NOL4: variants seen among roughly 807,000 people sequenced by gnomAD.
The protein encoded by NOL4 is nucleolar protein 4.
A neutral mutation model predicts 75.9 loss-of-function variants in NOL4; 17 were observed. The observed-to-expected ratio is 0.22, with a 90% CI of 0.15 to 0.34. The LOEUF is 0.34. Ranked by LOEUF, NOL4 falls within the 10% of genes least tolerant of loss-of-function variation. The pLI, the probability that NOL4 is intolerant of heterozygous loss-of-function variation, is 1.00. For synonymous variants in NOL4, 292 were observed against 289.9 expected (o/e 1.01, Z -0.07); for missense variants, 614 against 793.5 (o/e 0.77, Z 2.72).
At chr18:33,979,673 T>C (rs768026081) in intron 6 of NOL4, among the ~76,000 whole-genome samples, 2 of 151,966 alleles carry the variant, frequency 1.3e-5, no homozygotes, top group Non-Finnish European at 2.9e-5. Flanking sequence ...AAGCATCCTA[T>C]AAAATATATT....
chr18:34,035,058 C>A (rs1192886691), intron 5 of NOL4, among the ~76,000 whole-genome samples: 1 of 152,094 alleles, frequency 6.6e-6, no homozygotes, highest in Non-Finnish European at 1.5e-5. Flanking sequence ...CACCGATCAT[C>A]TAGACAGAAG....
chr18:34,014,806 G>A (rs1027229790), intron 6 of NOL4, among the ~76,000 whole-genome samples: 2 of 152,008 alleles, frequency 1.3e-5, no homozygotes, highest in African/African-American at 4.8e-5. Flanking sequence ...TGCTAGTCTA[G>A]TGAGTTAATT....
At chr18:33,967,795 A>G (rs993099249) in intron 6 of NOL4, among the ~76,000 whole-genome samples, 1 of 152,236 alleles carries the variant, frequency 6.6e-6, no homozygotes, top group African/African-American at 2.4e-5. Flanking sequence ...ATTATTAAAA[A>G]GTCAAAAAAT....
intron 6 of NOL4, among the ~76,000 whole-genome samples, chr18:34,018,582 G>A (rs1236851225): frequency 2.0e-5 from 3 of 152,072 alleles, no homozygotes; most frequent in Non-Finnish European, 4.4e-5. Context: ...ACCCTCATAT[G>A]TTCCAAAGTA....
At chr18:33,932,677 A>G (rs1022031904) in intron 9 of NOL4, among the ~76,000 whole-genome samples, 14 of 152,236 alleles carry the variant, frequency 9.2e-5, no homozygotes, top group African/African-American at 3.4e-4. Flanking sequence ...AAAAAATCCT[A>G]TGTGATTGAG....
chr18:33,983,019 G>A (rs2072103715), intron 6 of NOL4, among the ~76,000 whole-genome samples: 1 of 151,778 alleles, frequency 6.6e-6, no homozygotes. Context: ...CAAAGTGCTG[G>A]GATTATAGGT....
chr18:34,056,732 A>C (rs2076849135), intron 5 of NOL4, among the ~76,000 whole-genome samples: 1 of 152,150 alleles, frequency 6.6e-6, no homozygotes, highest in South Asian at 2.1e-4. Context: ...AATTCTCTGA[A>C]CTTTACTAGG....
At chr18:33,865,230 G>A (rs564090855) in intron 10 of NOL4, among the ~76,000 whole-genome samples, 50 of 152,054 alleles carry the variant, frequency 3.3e-4, no homozygotes, top group African/African-American at 1.1e-3. Context: ...CCAAAATCCA[G>A]GATACTCAAG....
chr18:33,951,664 TG>T (rs2069234242), intron 8 of NOL4, among the ~76,000 whole-genome samples: 1 of 152,170 alleles, frequency 6.6e-6, no homozygotes, highest in Admixed American at 6.6e-5. Context: ...TTTCTTCCTG[TG>T]GGTAACTTAC....
chr18:34,091,106 T>G (rs2078496112), intron 5 of NOL4, among the ~76,000 whole-genome samples: 1 of 151,472 alleles, frequency 6.6e-6, no homozygotes, highest in Non-Finnish European at 1.5e-5. Context: ...TCCCAGCACT[T>G]TGGGAGGCTG....
intron 5 of NOL4, chr18:34,048,735 C>T (rs377675562): frequency 2.9e-6 from 1 of 339,368 alleles, no homozygotes; most frequent in Non-Finnish European, 4.2e-6. Context: ...GGGCTCCTTC[C>T]TTGAGGATTT....
Position 33,927,551 on chromosome 18 carries a change from T to G in NOL4, c.1542+15514A>C, listed in dbSNP as rs183758841. On this transcript the variant is annotated intron_variant, in intron 9 of 10. Transcript: ENST00000261592. The stretch of plus-strand genomic sequence containing the variant: ...CACTCTCCCAGGTTTAAAAATACAT[T>G]ATTGACAAAGGAAGACGACACTGAT... Among the ~76,000 whole-genome samples the G allele has an allele frequency of 3.5e-3, 537 of 152,228 alleles. 3 individuals carry two copies. The highest frequency in any genetic ancestry group is 0.012 in the African/African-American group (519 of 41,522).
intron 6 of NOL4, among the ~76,000 whole-genome samples, chr18:34,017,158 C>A (rs2074743886): frequency 6.6e-6 from 1 of 152,108 alleles, no homozygotes; most frequent in African/African-American, 2.4e-5. Context: ...TTGACTCTTA[C>A]TTCAAATAGC....
intron 5 of NOL4, among the ~76,000 whole-genome samples, chr18:34,033,990 T>G (rs758524411): frequency 2.6e-5 from 4 of 151,928 alleles, no homozygotes; most frequent in Non-Finnish European, 5.9e-5. Flanking sequence ...CCCAGACAAT[T>G]GAAAGCAAAG....
intron 9 of NOL4, among the ~76,000 whole-genome samples, chr18:33,896,402 A>T (rs2144905367): frequency 6.6e-6 from 1 of 152,316 alleles, no homozygotes; most frequent in South Asian, 2.1e-4. Context: ...GGCTACAGTA[A>T]CCAAATCATG....
At chr18:34,138,106 G>A (rs1424426823) in intron 1 of NOL4, among the ~76,000 whole-genome samples, 1 of 152,030 alleles carries the variant, frequency 6.6e-6, no homozygotes, top group Non-Finnish European at 1.5e-5. Flanking sequence ...TAGAAAATAG[G>A]CAAATGTATA....
intron 5 of NOL4, among the ~76,000 whole-genome samples, chr18:34,090,881 G>A (rs1404159194): frequency 6.6e-6 from 1 of 152,056 alleles, no homozygotes; most frequent in Non-Finnish European, 1.5e-5. Flanking sequence ...TGCAGGGGTG[G>A]TGCAGAGAAA....
At chr18:33,956,754 G>C (rs1418159770) in intron 8 of NOL4, among the ~76,000 whole-genome samples, 1 of 151,968 alleles carries the variant, frequency 6.6e-6, no homozygotes, top group Non-Finnish European at 1.5e-5. Context: ...GAAAGCTCTT[G>C]GTACCATCCA....
At chr18:33,970,948 T>C (rs2071007201) in intron 6 of NOL4, among the ~76,000 whole-genome samples, 1 of 152,176 alleles carries the variant, frequency 6.6e-6, no homozygotes, top group Non-Finnish European at 1.5e-5. Context: ...AGAATTCAGA[T>C]AAAGTCTTTT....
Sources: gnomAD v4.1 joint callset for allele counts (sites outside exome capture counted in the v4.1 genomes callset) on GRCh38, gnomAD v4.1.1 for gene constraint, MANE v1.5 for transcripts, NCBI Gene and HGNC (gene_info 2026-07-23, HGNC 2026-07-21) for gene names.